The following NCOA3 variants were observed in gnomAD, a reference collection of about 807,000 sequenced individuals.
The protein encoded by NCOA3 is nuclear receptor coactivator 3, also known as CBP-interacting protein.
Under a neutral mutation model 158.8 loss-of-function variants are expected in NCOA3, and 51 were observed. The observed-to-expected ratio is 0.32, with a 90% CI of 0.26 to 0.41. The LOEUF (loss-of-function observed/expected upper bound fraction) is 0.41. Among genes scored for constraint, NCOA3 ranks in the 10% least tolerant of loss-of-function variants. NCOA3 has a pLI of 1.00. For synonymous variants in NCOA3, 537 were observed against 592.4 expected (o/e 0.91, Z 1.36); for missense variants, 1,510 against 1,746.6 (o/e 0.86, Z 2.41).
At chr20:47,608,180 G>A (rs534523294) in intron 2 of NCOA3, among the ~76,000 whole-genome samples, 1 of 151,934 alleles carries the variant, frequency 6.6e-6, no homozygotes, top group Non-Finnish European at 1.5e-5. Flanking sequence ...GCATGGTGGC[G>A]GGCACCTGTA....
chr20:47,515,472 C>CTTT (rs111350575), intron 1 of NCOA3, among the ~76,000 whole-genome samples: 8,426 of 129,936 alleles, frequency 0.065, 337 homozygotes, highest in Non-Finnish European at 0.099. Flanking sequence ...TTCTTTCTTT[C>CTTT]TTTTTTTTTT....
intron 1 of NCOA3, among the ~76,000 whole-genome samples, chr20:47,535,888 T>TC (rs1018680842): frequency 7.2e-5 from 11 of 152,042 alleles, no homozygotes; most frequent in Admixed American, 2.0e-4. Context: ...GGGAAGGTGA[T>TC]CTTCCCCTGG....
At chr20:47,622,506 T>C (rs2146298128) in intron 3 of NCOA3, among the ~76,000 whole-genome samples, 176 bp downstream of exon 3, 1 of 152,340 alleles carries the variant, frequency 6.6e-6, no homozygotes, top group South Asian at 2.1e-4. Context: ...AAGTTTTTTT[T>C]TTATTGCTGA....
At chr20:47,568,633 C>A (rs1045784947) in intron 1 of NCOA3, among the ~76,000 whole-genome samples, 1 of 151,854 alleles carries the variant, frequency 6.6e-6, no homozygotes, top group Non-Finnish European at 1.5e-5. Context: ...TCTACCAAAA[C>A]GATGTAAGAA....
At chr20:47,593,334 A>ATTTTTT (rs71183267) in intron 2 of NCOA3, among the ~76,000 whole-genome samples, 1,299 of 63,744 alleles carry the variant, frequency 0.02, 171 homozygotes, top group Middle Eastern at 0.034. Context: ...GAGTTGATGG[A>ATTTTTT]TTTTTTTTTT....
intron 1 of NCOA3, among the ~76,000 whole-genome samples, chr20:47,513,200 A>G (rs6066370): frequency 6.6e-6 from 1 of 152,130 alleles, no homozygotes; most frequent in Non-Finnish European, 1.5e-5. Flanking sequence ...ATAAACTTGT[A>G]AATATTATAC....
intron 1 of NCOA3, among the ~76,000 whole-genome samples, chr20:47,538,549 CTTT>C (rs112676607): frequency 6.8e-6 from 1 of 146,790 alleles, no homozygotes; most frequent in African/African-American, 2.5e-5. Flanking sequence ...TATTACTATT[CTTT>C]TTTTTTTTTC....
rs1220609902 is a variant in NCOA3, at chr20:47,626,520, C to CCTG, written c.358-481_358-479dup. Among the ~76,000 whole-genome samples, 3 of 145,978 alleles carry CCTG rather than the reference C, an allele frequency of 2.1e-5. No individual in the cohort carries two copies. In the East Asian group the frequency reaches 6.1e-4, roughly 29 times the overall value. Reference sequence around the variant, plus strand: ...TTCTTTTTTTTTCCCCCCAGTAAGGCCTGTAGTAATGGTGCTAATGTTAGT... The same window carrying CCTG: ...TTCTTTTTTTTTCCCCCCAGTAAGGCCTGCTGTAGTAATGGTGCTAATGTTAGT... On this transcript the variant is annotated intron_variant, in intron 5 of 22. Transcript: ENST00000371998.
Position 47,504,478 on chromosome 20 carries a change from CTTTTTTTTTTTT to C in NCOA3, c.-99+2473_-99+2484del, listed in dbSNP as rs58220390. ...CATTAAAGATAAAAGCTAAGTGTGT[CTTTTTTTTTTTT>C]TTTTTTTTTTTTTAACGAATTCAGT... On this transcript the variant is annotated intron_variant, in intron 1 of 22. Transcript: ENST00000371998. Among the ~76,000 whole-genome samples, 222 of 98,686 alleles carry C rather than the reference CTTTTTTTTTTTT, an allele frequency of 2.2e-3. 2 individuals carry two copies. Among genetic ancestry groups the C allele is most frequent in the African/African-American group, 7.8e-3 (206 of 26,270 alleles). The allele number at this position is 98,686 out of a possible 152,430, so 64.7% of individuals were successfully genotyped here. A position where few individuals can be genotyped will look rare whatever the true frequency, so the allele number is the denominator to read the frequency against.
chr20:47,517,935 T>C (rs1430426153), intron 1 of NCOA3, among the ~76,000 whole-genome samples: 5 of 152,344 alleles, frequency 3.3e-5, no homozygotes, highest in East Asian at 1.9e-4. Context: ...AAGGCTGATA[T>C]GATTTTCCTG....
In NCOA3 at chr20:47,634,920, CTTTT is replaced by C. The variant is rs66801245; in HGVS notation, c.1113-384_1113-381del. On this transcript the variant is annotated intron_variant, in intron 10 of 22. Transcript: ENST00000371998. The stretch of plus-strand genomic sequence containing the variant: ...CTTCCTTTCTTCTTCTTCTCTTCTT[CTTTT>C]TTTTTTTTTTTTTTTTTAAACAGAG... 7.1e-3 allele frequency among the ~76,000 whole-genome samples: 855 copies of C among 120,096 alleles called. 11 individuals carry two copies. Among genetic ancestry groups the C allele is most frequent in the African/African-American group, 0.026 (808 of 31,580 alleles). 78.8% of individuals were successfully genotyped at this position (120,096 alleles called of 152,430 possible).
chr20:47,653,502 C>A lies in NCOA3; in HGVS notation c.*85C>A. 1.4e-6 allele frequency: 2 copies of A among 1,476,494 alleles called. No individual in the cohort carries two copies. The highest frequency in any genetic ancestry group is 1.9e-6 in the Non-Finnish European group (2 of 1,071,390). The allele number at this position is 1,476,494 out of a possible 1,614,324, so 91.5% of individuals were successfully genotyped here. A position where few individuals can be genotyped will look rare whatever the true frequency, so the allele number is the denominator to read the frequency against. On this transcript the variant is annotated 3_prime_UTR_variant, in exon 23 of 23. Coordinates refer to ENST00000371998, the MANE Select transcript of NCOA3 (RefSeq NM_181659.3). Reference sequence around the variant, plus strand: ...ATTGGGAAGGAATCATTGTTCCAGGCATCCATCTTGGAAGAAAGGACCAGC... The same window carrying A: ...ATTGGGAAGGAATCATTGTTCCAGGAATCCATCTTGGAAGAAAGGACCAGC...
At chr20:47,506,770 T>C (rs1270276032) in intron 1 of NCOA3, among the ~76,000 whole-genome samples, 1 of 5,558 alleles carries the variant, frequency 1.8e-4, no homozygotes, top group East Asian at 0.016. Context: ...ATCTGTGTCT[T>C]TTTTTTTAAA....
chr20:47,567,385 ACTTTT>A (rs919224015), intron 1 of NCOA3, among the ~76,000 whole-genome samples: 1 of 147,870 alleles, frequency 6.8e-6, no homozygotes, highest in Non-Finnish European at 1.5e-5. Flanking sequence ...ATATTTGAGT[ACTTTT>A]CTTTCTTTCT....
chr20:47,599,409 A>G (rs1022925209), intron 2 of NCOA3, among the ~76,000 whole-genome samples: 1 of 152,162 alleles, frequency 6.6e-6, no homozygotes, highest in Non-Finnish European at 1.5e-5. Flanking sequence ...GCAGGGGGGA[A>G]TAACAGCTAA....
chr20:47,617,496 G>T (rs538438306), intron 2 of NCOA3, among the ~76,000 whole-genome samples: 1 of 152,260 alleles, frequency 6.6e-6, no homozygotes, highest in South Asian at 2.1e-4. Context: ...TTGACTGAAA[G>T]TGATCTAGAT....
At chr20:47,506,138 T>C (rs919642742) in intron 1 of NCOA3, among the ~76,000 whole-genome samples, 1 of 151,934 alleles carries the variant, frequency 6.6e-6, no homozygotes, top group African/African-American at 2.4e-5. Flanking sequence ...CTTCTTGGGG[T>C]TGGGGAGGGG....
At chr20:47,505,800 C>CTTTTTTTTTTTTTTTTT (rs11434305) in intron 1 of NCOA3, among the ~76,000 whole-genome samples, 1 of 119,160 alleles carries the variant, frequency 8.4e-6, no homozygotes, top group Non-Finnish European at 1.7e-5. Context: ...GCATTTTCTC[C>CTTTTTTTTTTTTTTTTT]TTTTTTTTTT....
In NCOA3 at chr20:47,655,967, G is replaced by C. The variant is rs943410137; in HGVS notation, c.*2550G>C. ...TCTTTGAGATAATTTGTTTTTACCT[G>C]TATTGCCCTTTATCTTTTTTAGGTA... On this transcript the variant is annotated 3_prime_UTR_variant, in exon 23 of 23. Coordinates refer to ENST00000371998, the MANE Select transcript of NCOA3 (RefSeq NM_181659.3). 6.6e-6 allele frequency: 1 copy of C among 151,970 alleles called. No homozygotes were observed. Among genetic ancestry groups the C allele is most frequent in the African/African-American group, 2.4e-5 (1 of 41,318 alleles). 9.4% of individuals were successfully genotyped at this position (151,970 alleles called of 1,614,324 possible). A position where few individuals can be genotyped will look rare whatever the true frequency, so the allele number is the denominator to read the frequency against.
Sources: gnomAD v4.1 joint callset for allele counts (sites outside exome capture counted in the v4.1 genomes callset) on GRCh38, gnomAD v4.1.1 for gene constraint, MANE v1.5 for transcripts, NCBI Gene and HGNC (gene_info 2026-07-23, HGNC 2026-07-21) for gene names.